Variants in PAPOLA observed in about 807,000 individuals in gnomAD.
PAPOLA encodes the protein polynucleotide adenylyltransferase alpha.
Under a neutral mutation model 100.6 loss-of-function variants are expected in PAPOLA, and 15 were observed. The observed-to-expected ratio is 0.15, with a 90% CI of 0.10 to 0.23. The LOEUF (loss-of-function observed/expected upper bound fraction) is 0.23. Ranked by LOEUF, PAPOLA falls within the 10% of genes least tolerant of loss-of-function variation. PAPOLA has a pLI of 1.00. For synonymous variants in PAPOLA, 293 were observed against 300.0 expected (o/e 0.98, Z 0.24); for missense variants, 533 against 884.2 (o/e 0.60, Z 5.04).
chr14:96,512,251 A>G (rs1897153416), intron 1 of PAPOLA, among the ~76,000 whole-genome samples: 3 of 152,132 alleles, frequency 2.0e-5, no homozygotes, highest in Admixed American at 2.0e-4. Flanking sequence ...TGGACATAAT[A>G]TACAAATAGT....
intron 10 of PAPOLA, chr14:96,534,794 T>C: frequency 2.3e-6 from 3 of 1,280,200 alleles, no homozygotes; most frequent in Non-Finnish European, 3.0e-6. Flanking sequence ...TTAATACAGA[T>C]TTTACTAACA....
intron 1 of PAPOLA, among the ~76,000 whole-genome samples, chr14:96,508,877 G>T (rs1165604324): frequency 6.6e-6 from 1 of 152,206 alleles, no homozygotes; most frequent in Admixed American, 6.5e-5. Flanking sequence ...GTTGGTTAAA[G>T]TTGAGGCTCA....
Position 96,556,227 on chromosome 14 carries a change from A to C in PAPOLA, c.1818A>C (p.Pro606=). The C allele has an allele frequency of 6.2e-7, 1 of 1,614,098 alleles. No individual in the cohort carries two copies. Among genetic ancestry groups the C allele is most frequent in the Non-Finnish European group, 8.5e-7 (1 of 1,180,008 alleles). The change falls in exon 19 of 22, where the codon CCA becomes CCC. Residue 606 remains proline, a synonymous_variant. Transcript: ENST00000216277. ...CTGCCACACAACCAGCCATTTCTCC[A>C]CCACCAAAGCCTACGGTCTCCAGAG... ...PQTATQPAIS[P]PPKPTVSRVV... is the part of the protein sequence containing the mutation.
In PAPOLA at chr14:96,554,356, T is replaced by G. The variant is rs1238540688; in HGVS notation, c.1665-1491T>G. 2.6e-5 allele frequency among the ~76,000 whole-genome samples: 4 copies of G among 152,248 alleles called. No homozygotes were observed. In the East Asian group the frequency reaches 7.7e-4, roughly 29 times the overall value. On this transcript the variant is annotated intron_variant, in intron 17 of 21. Transcript: ENST00000216277. ...ATTTAATATTTGTGCCCTTGAGGGC[T>G]CTCTCATTATTCTTTTGTCTGTTTA...
rs1316497189 is a variant in PAPOLA, at chr14:96,502,436, A to C, written c.-157A>C. 1.6e-5 allele frequency: 11 copies of C among 706,326 alleles called. No individual in the cohort carries two copies. Among genetic ancestry groups the C allele is most frequent in the Non-Finnish European group, 2.8e-5 (11 of 388,752 alleles). The allele number at this position is 706,326 out of a possible 1,614,324, so 43.8% of individuals were successfully genotyped here. A position where few individuals can be genotyped will look rare whatever the true frequency, so the allele number is the denominator to read the frequency against. ...CATGTTAGGACGAAGGGGAAGGAGGAGAAGCGCTTAAAGCGGCGGGAGCGG... is the reference window on the plus strand; with the variant it reads ...CATGTTAGGACGAAGGGGAAGGAGGCGAAGCGCTTAAAGCGGCGGGAGCGG... On this transcript the variant is annotated 5_prime_UTR_variant, in exon 1 of 22. Coordinates refer to ENST00000216277, the MANE Select transcript of PAPOLA (RefSeq NM_032632.5).
rs909015272 is a variant in PAPOLA, at chr14:96,565,912, T to G, written c.*862T>G. The G allele has an allele frequency of 3.8e-5, 15 of 398,442 alleles. No individual in the cohort carries two copies. Among genetic ancestry groups the G allele is most frequent in the Admixed American group, 8.8e-5 (2 of 22,692 alleles). The allele number at this position is 398,442 out of a possible 1,614,324, so 24.7% of individuals were successfully genotyped here. A position where few individuals can be genotyped will look rare whatever the true frequency, so the allele number is the denominator to read the frequency against. On this transcript the variant is annotated 3_prime_UTR_variant, in exon 22 of 22. Transcript: ENST00000216277. The stretch of plus-strand genomic sequence containing the variant: ...TTGCTTGTATGCACAAGGTAGGACT[T>G]ACTTCGTAAGAAACAAAATGCCAGT...
In PAPOLA at chr14:96,503,393, T is replaced by C. The variant is rs992481523; in HGVS notation, c.8+793T>C. The stretch of plus-strand genomic sequence containing the variant: ...TTGTAAGGCTTGAAGCTAGTCTCTT[T>C]ATGCTTTCTAATGCCACTGCGCCTT... On this transcript the variant is annotated intron_variant, in intron 1 of 21. Transcript: ENST00000216277. Among the ~76,000 whole-genome samples, 14 of 152,184 alleles carry C rather than the reference T, an allele frequency of 9.2e-5. No homozygotes were observed. In the East Asian group the frequency reaches 2.7e-3, roughly 29 times the overall value.
At chr14:96,547,990 G>T in intron 16 of PAPOLA, 72 bp downstream of exon 16, 1 of 1,288,140 alleles carries the variant, frequency 7.8e-7, no homozygotes, top group South Asian at 1.5e-5. Flanking sequence ...CATTATTTCA[G>T]AATTTAGGCT....
Position 96,534,581 on chromosome 14 carries a change from T to C in PAPOLA, c.909+18T>C, listed in dbSNP as rs777610287. On this transcript the variant is annotated intron_variant, in intron 10 of 21. Transcript: ENST00000216277. ...ACCCAAGGGTTAGTGTATTATTTTT[T>C]CCCCTACCAATTCACACTGTGCAAT... is the stretch of plus-strand genomic sequence containing the variant. 1 of 1,613,840 alleles carries C rather than the reference T, an allele frequency of 6.2e-7. No individual in the cohort carries two copies. Among genetic ancestry groups the C allele is most frequent in the South Asian group, 1.1e-5 (1 of 91,046 alleles).
At chr14:96,531,913 T>C in intron 7 of PAPOLA, 1 of 1,334,026 alleles carries the variant, frequency 7.5e-7, no homozygotes, top group Middle Eastern at 2.8e-4. Flanking sequence ...TTAGTAATGC[T>C]TTCAGCATTG....
At chr14:96,511,835 CT>C (rs1454286606) in intron 1 of PAPOLA, among the ~76,000 whole-genome samples, 2 of 152,202 alleles carry the variant, frequency 1.3e-5, no homozygotes, top group Admixed American at 6.5e-5. Context: ...CTTGGCCGCC[CT>C]AGCAGCTTCC....
chr14:96,533,112 ATAAAT>A (rs1899188126), intron 9 of PAPOLA: 2 of 981,058 alleles, frequency 2.0e-6, no homozygotes, highest in Non-Finnish European at 1.2e-6. Flanking sequence ...CTTTTAAAGA[ATAAAT>A]TAACATTAAG....
chr14:96,541,665 T>C (rs1683320797), intron 12 of PAPOLA, among the ~76,000 whole-genome samples: 1 of 152,170 alleles, frequency 6.6e-6, no homozygotes, highest in African/African-American at 2.4e-5. Flanking sequence ...GTTGCTGTCA[T>C]GTTAGTGATT....
At chr14:96,522,027 C>G (rs906856472) in intron 3 of PAPOLA, among the ~76,000 whole-genome samples, 2 of 151,580 alleles carry the variant, frequency 1.3e-5, no homozygotes, top group Non-Finnish European at 2.9e-5. Flanking sequence ...GTCTTGAGCT[C>G]CTGACCTCAA....
intron 12 of PAPOLA, among the ~76,000 whole-genome samples, chr14:96,541,498 A>G (rs1378567784): frequency 6.6e-6 from 1 of 152,178 alleles, no homozygotes; most frequent in Non-Finnish European, 1.5e-5. Flanking sequence ...TTTTAGTCGT[A>G]GGAAACTGAA....
At chr14:96,509,965 C>CTTTTTTTTTTTTTTT (rs11372552) in intron 1 of PAPOLA, among the ~76,000 whole-genome samples, 3 of 84,424 alleles carry the variant, frequency 3.6e-5, no homozygotes, top group Non-Finnish European at 4.7e-5. Context: ...GTGGGAGTTG[C>CTTTTTTTTTTTTTTT]TTTTTTTTTT....
chr14:96,563,665 T>G (rs1902050401), intron 21 of PAPOLA, among the ~76,000 whole-genome samples: 1 of 152,190 alleles, frequency 6.6e-6, no homozygotes, highest in Non-Finnish European at 1.5e-5. Flanking sequence ...CCGAGTTATT[T>G]TAACGTGATC....
At chr14:96,564,859 TAGA>T (rs1902153463) in intron 21 of PAPOLA, 93 bp from the exon 22 acceptor site, 4 of 704,212 alleles carry the variant, frequency 5.7e-6, no homozygotes, top group Middle Eastern at 2.6e-4. Context: ...CTTTTCTTCT[TAGA>T]AGGTTTCTTA....
At chr14:96,537,120 A>C (rs1899604371) in intron 12 of PAPOLA, 60 bp downstream of exon 12, 2 of 883,934 alleles carry the variant, frequency 2.3e-6, no homozygotes, top group East Asian at 4.9e-5. Context: ...TAATGGTAGC[A>C]CATTATGACA....
Sources: allele counts gnomAD v4.1 joint callset (sites outside exome capture counted in the v4.1 genomes callset), GRCh38; gene constraint gnomAD v4.1.1; transcripts MANE v1.5; gene names NCBI Gene and HGNC (gene_info 2026-07-23, HGNC 2026-07-21).